Variants in CLNK observed in about 807,000 individuals in gnomAD.
CLNK encodes cytokine-dependent hematopoietic cell linker.
CLNK carries 74 observed loss-of-function variants against 68.6 expected under a neutral mutation model. That is an observed-to-expected ratio of 1.08 (90% CI 0.89 to 1.31). CLNK has a LOEUF of 1.31. Among genes scored for constraint, CLNK ranks in the 50% most tolerant of loss-of-function variants. The probability of loss-of-function intolerance (pLI) is 0.00; values close to 1 mark genes in which losing one functional copy is unlikely to be tolerated. For synonymous variants in CLNK, 198 were observed against 172.2 expected (o/e 1.15, Z -1.17); for missense variants, 553 against 515.3 (o/e 1.07, Z -0.71).
intron 17 of CLNK, among the ~76,000 whole-genome samples, chr4:10,504,468 C>T (rs906857536): frequency 6.6e-6 from 1 of 152,116 alleles, no homozygotes; most frequent in Non-Finnish European, 1.5e-5. Flanking sequence ...AAATTTTAGT[C>T]TCATTTTACA....
At chr4:10,630,822 A>G (rs998267624) in intron 2 of CLNK, among the ~76,000 whole-genome samples, 6 of 152,202 alleles carry the variant, frequency 3.9e-5, no homozygotes, top group African/African-American at 9.6e-5. Context: ...CCACTGCCCT[A>G]TAGGTGTTGT....
rs377111436 is a variant in CLNK, at chr4:10,540,521, G to C, written c.575C>G (p.Thr192Ser). Reference protein sequence around the residue: ...SSRPPLSQRHTFPEVQRMPSQ... With the variant: ...SSRPPLSQRHSFPEVQRMPSQ... ...GGGCATTCTCTGGACTTCTGGAAAG[G>C]TGTGTCTCTGAGATAAAGGTGGCCT... Residue 192 changes from threonine (T) to serine (S), a missense_variant, in exon 11 of 19, where the codon ACC becomes AGC. Transcript: ENST00000226951. 1 of 1,613,356 alleles carries C rather than the reference G, an allele frequency of 6.2e-7. No homozygotes were observed. Among genetic ancestry groups the C allele is most frequent in the Non-Finnish European group, 8.5e-7 (1 of 1,179,326 alleles).
Position 10,643,152 on chromosome 4 carries a change from C to A in CLNK, c.11+24707G>T, listed in dbSNP as rs1451487639. Reference sequence around the variant, plus strand: ...TGGCTGTGTTTCTAAATTATGTCACCTGGAAAAGAATGAATCTTCCTGGAA... The same window carrying A: ...TGGCTGTGTTTCTAAATTATGTCACATGGAAAAGAATGAATCTTCCTGGAA... On this transcript the variant is annotated intron_variant, in intron 2 of 18. Coordinates refer to ENST00000226951, the MANE Select transcript of CLNK (RefSeq NM_052964.4). Among the ~76,000 whole-genome samples, 8 of 152,178 alleles carry A rather than the reference C, an allele frequency of 5.3e-5. 1 individual carries two copies. Among genetic ancestry groups the A allele is most frequent in the Admixed American group, 5.2e-4 (8 of 15,270 alleles).
chr4:10,649,048 G>A (rs115782883), intron 2 of CLNK, among the ~76,000 whole-genome samples: 14 of 152,264 alleles, frequency 9.2e-5, no homozygotes, highest in South Asian at 2.1e-4. Context: ...ATTCATGCTC[G>A]TTGAAGGTGC....
intron 11 of CLNK, among the ~76,000 whole-genome samples, chr4:10,538,586 T>C (rs1321348943): frequency 6.6e-6 from 1 of 152,242 alleles, no homozygotes; most frequent in Admixed American, 6.5e-5. Context: ...TCTGTTATTA[T>C]TGTTGCCTCC....
At chr4:10,561,053 C>T (rs59203169) in intron 7 of CLNK, among the ~76,000 whole-genome samples, 23,500 of 151,898 alleles carry the variant, frequency 0.15, 1,895 homozygotes, top group Middle Eastern at 0.18. Flanking sequence ...TGCTCCACCA[C>T]GACCAGCTAT....
chr4:10,667,860 G>A lies in CLNK; in HGVS notation c.10C>T (p.Gln4Ter), dbSNP rs757949714. 10 of 1,588,488 alleles carry A rather than the reference G, an allele frequency of 6.3e-6. No homozygotes were observed. Among genetic ancestry groups the A allele is most frequent in the Non-Finnish European group, 6.9e-6 (8 of 1,165,520 alleles). Reference sequence around the variant, plus strand: ...TCACAGTGATCCCACGGTACTTACTGCCTGTTCATAGTTCTTGGCACCTGG... The same window carrying A: ...TCACAGTGATCCCACGGTACTTACTACCTGTTCATAGTTCTTGGCACCTGG... MNR[Q>*]GNRKTTKEGS... The change falls in exon 2 of 19, where the codon CAG becomes TAG. Residue 4 changes from glutamine to a stop codon, truncating the protein, a stop_gained and splice_region_variant. Coordinates refer to ENST00000226951, the MANE Select transcript of CLNK (RefSeq NM_052964.4). LOFTEE classifies it high-confidence loss of function.
intron 2 of CLNK, among the ~76,000 whole-genome samples, chr4:10,666,160 C>T (rs993767455): frequency 2.0e-5 from 3 of 152,144 alleles, no homozygotes; most frequent in African/African-American, 7.2e-5. Context: ...TTCCCTTGAG[C>T]CTTTGGAGGG....
intron 3 of CLNK, among the ~76,000 whole-genome samples, chr4:10,585,465 A>G (rs2108837257): frequency 6.6e-6 from 1 of 152,380 alleles, no homozygotes; most frequent in Middle Eastern, 3.4e-3. Flanking sequence ...TAACCAATCC[A>G]GCTGTTTCTG....
At chr4:10,718,942 G>C in the CLNK span, among the ~76,000 whole-genome samples, 1 of 152,052 alleles carries the variant, frequency 6.6e-6, no homozygotes, top group Admixed American at 6.6e-5. Context: ...ATTTGAACTG[G>C]TAAAATGACA....
At chr4:10,723,352 G>A in the CLNK span, among the ~76,000 whole-genome samples, 1 of 152,158 alleles carries the variant, frequency 6.6e-6, no homozygotes, top group Non-Finnish European at 1.5e-5. Flanking sequence ...TGCTAGTGGA[G>A]TATATTAAGA....
chr4:10,694,884 T>G, the CLNK span, among the ~76,000 whole-genome samples: 1 of 152,216 alleles, frequency 6.6e-6, no homozygotes, highest in Non-Finnish European at 1.5e-5. Context: ...AGATAGAATG[T>G]TCTTTTCTAA....
At chr4:10,681,716 A>G (rs1205060078) in intron 1 of CLNK, among the ~76,000 whole-genome samples, 1 of 152,164 alleles carries the variant, frequency 6.6e-6, no homozygotes, top group Non-Finnish European at 1.5e-5. Flanking sequence ...GAAGACAGTG[A>G]TTGATGCCCT....
At chr4:10,567,131 GAAAA>G (rs61037076) in intron 5 of CLNK, among the ~76,000 whole-genome samples, 129 of 110,538 alleles carry the variant, frequency 1.2e-3, no homozygotes, top group East Asian at 4.2e-3. Flanking sequence ...ACAATCTTGG[GAAAA>G]AAAAAAAAAA....
chr4:10,640,923 A>G (rs1376271414), intron 2 of CLNK, among the ~76,000 whole-genome samples: 1 of 152,236 alleles, frequency 6.6e-6, no homozygotes, highest in Non-Finnish European at 1.5e-5. Context: ...GACCTTTGCT[A>G]TAGCTAGAAG....
chr4:10,572,932 G>T (rs747963356), intron 4 of CLNK, among the ~76,000 whole-genome samples: 1 of 152,122 alleles, frequency 6.6e-6, no homozygotes, highest in South Asian at 2.1e-4. Context: ...GGGTTCAAGC[G>T]ATTCTCGTGC....
At chr4:10,678,842 C>T (rs1313357847) in intron 1 of CLNK, among the ~76,000 whole-genome samples, 1 of 152,076 alleles carries the variant, frequency 6.6e-6, no homozygotes, top group Non-Finnish European at 1.5e-5. Context: ...AACTACAAAC[C>T]ACTGCTCAAT....
the CLNK span, among the ~76,000 whole-genome samples, chr4:10,717,282 G>A: frequency 6.6e-6 from 1 of 152,308 alleles, no homozygotes; most frequent in Admixed American, 6.5e-5. Context: ...CCTCATTGGG[G>A]TAGTATCAGA....
At chr4:10,734,666 C>T in the CLNK span, among the ~76,000 whole-genome samples, 2 of 152,226 alleles carry the variant, frequency 1.3e-5, no homozygotes, top group Non-Finnish European at 2.9e-5. Flanking sequence ...TGGTATTTTA[C>T]ATCAGTGCTT....
Sources: allele counts gnomAD v4.1 joint callset (sites outside exome capture counted in the v4.1 genomes callset), GRCh38; gene constraint gnomAD v4.1.1; transcripts MANE v1.5; gene names NCBI Gene and HGNC (gene_info 2026-07-23, HGNC 2026-07-21).